NEO1: variants seen among roughly 807,000 people sequenced by gnomAD.
NEO1 encodes the protein neogenin 1.
Under a neutral mutation model 159.7 loss-of-function variants are expected in NEO1, and 63 were observed. The ratio of observed to expected loss-of-function variants is 0.39; its 90% CI spans 0.32 to 0.49. The LOEUF (loss-of-function observed/expected upper bound fraction) is 0.49. Ranked by LOEUF, NEO1 falls within the 20% of genes least tolerant of loss-of-function variation. NEO1 has a pLI of 0.85. For missense variants in NEO1, 1,615 were observed against 1,831.0 expected (o/e 0.88, Z 2.15); for synonymous variants, 633 against 662.0 (o/e 0.96, Z 0.67).
chr15:73,195,651 T>G (rs1051166188), intron 7 of NEO1, among the ~76,000 whole-genome samples: 2 of 152,312 alleles, frequency 1.3e-5, no homozygotes, highest in African/African-American at 4.8e-5. Flanking sequence ...ACCACCAGAA[T>G]TATTGCCTGA....
chr15:73,236,614 A>G, intron 8 of NEO1, 108 bp downstream of exon 8: 1 of 886,328 alleles, frequency 1.1e-6, no homozygotes, highest in Non-Finnish European at 1.8e-6. Context: ...CCAGAAAATA[A>G]GATCACTGAG....
At chr15:73,083,855 T>A (rs936702884) in intron 1 of NEO1, among the ~76,000 whole-genome samples, 15 of 152,184 alleles carry the variant, frequency 9.9e-5, no homozygotes, top group Admixed American at 2.0e-4. Flanking sequence ...TAAACTTTTT[T>A]AATCCTCCCA....
chr15:73,173,796 T>A (rs1313841465), intron 5 of NEO1, among the ~76,000 whole-genome samples: 1 of 151,984 alleles, frequency 6.6e-6, no homozygotes, highest in Admixed American at 6.6e-5. Context: ...ACAGAGCAAA[T>A]TTAATATAAA....
intron 7 of NEO1, among the ~76,000 whole-genome samples, chr15:73,201,151 A>G (rs1029481617): frequency 2.0e-5 from 3 of 149,576 alleles, no homozygotes; most frequent in Non-Finnish European, 3.0e-5. Context: ...TATTTTCTCT[A>G]TTTTTCTGTT....
At position 73,116,850 on chromosome 15, in the gene NEO1, A is replaced by G; in HGVS notation, c.441A>G (p.Ile147Met). The G allele has an allele frequency of 6.5e-7, 1 of 1,538,556 alleles. No homozygotes were observed. Among genetic ancestry groups the G allele is most frequent in the Non-Finnish European group, 8.7e-7 (1 of 1,148,550 alleles). ...TTATCAGTAGAACAGCGAAGCTCAT[A>G]GTAGCAGGTAAGTTTTAAGTGATTT... ...GTIISRTAKL[I>M]VAGLPRFTSQ... The change falls in exon 2 of 29, where the codon ATA (isoleucine) becomes ATG (methionine). Residue 147 changes from isoleucine (I) to methionine (M), a missense_variant. Ile to Met is a conservative substitution (Grantham distance 10). Coordinates refer to ENST00000261908, the MANE Select transcript of NEO1 (RefSeq NM_002499.4).
At chr15:73,168,005 T>C (rs1381862125) in intron 5 of NEO1, among the ~76,000 whole-genome samples, 1 of 151,996 alleles carries the variant, frequency 6.6e-6, no homozygotes, top group African/African-American at 2.4e-5. Flanking sequence ...GGAGAAACAA[T>C]GATATAAAAC....
At chr15:73,069,566 T>G (rs2068433285) in intron 1 of NEO1, among the ~76,000 whole-genome samples, 1 of 152,000 alleles carries the variant, frequency 6.6e-6, no homozygotes, top group African/African-American at 2.4e-5. Context: ...TATCTATAAT[T>G]TCAGTTGAAT....
At chr15:73,212,584 C>T (rs2037642270) in intron 7 of NEO1, among the ~76,000 whole-genome samples, 1 of 152,118 alleles carries the variant, frequency 6.6e-6, no homozygotes, top group Non-Finnish European at 1.5e-5. Context: ...TTTCAGAAGA[C>T]AGTATTTGGC....
chr15:73,055,182 G>A (rs1045047671), intron 1 of NEO1, among the ~76,000 whole-genome samples: 21 of 152,294 alleles, frequency 1.4e-4, no homozygotes, highest in Admixed American at 1.2e-3. Flanking sequence ...GAAAAGATAT[G>A]TAGAGACCTT....
chr15:73,133,485 A>C (rs2031387552), intron 4 of NEO1, among the ~76,000 whole-genome samples: 1 of 152,182 alleles, frequency 6.6e-6, no homozygotes, highest in Non-Finnish European at 1.5e-5. Flanking sequence ...AAAATCTGAG[A>C]AATCACCACT....
intron 28 of NEO1, 46 bp from the exon 29 acceptor site, chr15:73,302,567 G>T (rs772897795): frequency 6.4e-7 from 1 of 1,571,516 alleles, no homozygotes; most frequent in Non-Finnish European, 8.7e-7. Context: ...TCCTTTCTGA[G>T]CTGCTCCCTG....
At chr15:73,292,031 GTT>G (rs1202100035) in intron 25 of NEO1, among the ~76,000 whole-genome samples, 1 of 152,128 alleles carries the variant, frequency 6.6e-6, no homozygotes, top group Non-Finnish European at 1.5e-5. Flanking sequence ...TTCCTCTGTT[GTT>G]TTATTCCCGG....
intron 1 of NEO1, among the ~76,000 whole-genome samples, chr15:73,092,133 G>T (rs900044724): frequency 6.6e-6 from 1 of 152,140 alleles, no homozygotes; most frequent in Admixed American, 6.5e-5. Flanking sequence ...CAACTTCAGG[G>T]TTCATACAGA....
chr15:73,217,781 C>A (rs1358506202), intron 7 of NEO1, among the ~76,000 whole-genome samples: 5 of 152,140 alleles, frequency 3.3e-5, no homozygotes, highest in African/African-American at 1.2e-4. Flanking sequence ...GATTTTGTAT[C>A]CTGAGACTTT....
At chr15:73,088,633 AG>A (rs1448948214) in intron 1 of NEO1, among the ~76,000 whole-genome samples, 2 of 152,116 alleles carry the variant, frequency 1.3e-5, no homozygotes, top group Non-Finnish European at 2.9e-5. Flanking sequence ...AGAATGGGTC[AG>A]GGTAAAAAGA....
At chr15:73,277,579 T>C (rs1275878462) in intron 21 of NEO1, among the ~76,000 whole-genome samples, 151 of 152,290 alleles carry the variant, frequency 9.9e-4, no homozygotes, top group Admixed American at 9.8e-3. Context: ...AGAACCTGAT[T>C]TGAACTTCCA....
chr15:73,085,587 C>G (rs986718346), intron 1 of NEO1, among the ~76,000 whole-genome samples: 14 of 152,178 alleles, frequency 9.2e-5, no homozygotes, highest in Non-Finnish European at 1.6e-4. Context: ...AAAATTCCCA[C>G]CAACAGTGTA....
At chr15:73,200,194 T>C (rs997988883) in intron 7 of NEO1, among the ~76,000 whole-genome samples, 1 of 152,202 alleles carries the variant, frequency 6.6e-6, no homozygotes, top group Non-Finnish European at 1.5e-5. Flanking sequence ...AGATCTTTAA[T>C]TATTGATTAA....
chr15:73,221,429 G>A (rs1489815995), intron 7 of NEO1, among the ~76,000 whole-genome samples: 10 of 152,186 alleles, frequency 6.6e-5, no homozygotes, highest in South Asian at 2.1e-4. Flanking sequence ...CTCCAGCTGC[G>A]TGCTGGGAGA....
Sources: allele counts gnomAD v4.1 joint callset (sites outside exome capture counted in the v4.1 genomes callset), GRCh38; gene constraint gnomAD v4.1.1; transcripts MANE v1.5; gene names NCBI Gene and HGNC (gene_info 2026-07-23, HGNC 2026-07-21).